NEBL: variants seen among roughly 807,000 people sequenced by gnomAD.
NEBL encodes the protein LIM and SH3 protein 2.
In NEBL, 122 loss-of-function variants were observed where a neutral mutation model predicts 140.2. That is an observed-to-expected ratio of 0.87 (90% CI 0.75 to 1.01). The LOEUF (loss-of-function observed/expected upper bound fraction) is 1.01. Among genes scored for constraint, NEBL ranks in the 50% least tolerant of loss-of-function variants. NEBL has a pLI of 0.00. For missense variants in NEBL, 1,365 were observed against 1,231.3 expected (o/e 1.11, Z -1.62); for synonymous variants, 436 against 398.9 (o/e 1.09, Z -1.11).
chr10:21,056,373 T>C lies in NEBL; in HGVS notation c.165-36172A>G, dbSNP rs191137571. Among the ~76,000 whole-genome samples the C allele has an allele frequency of 1.3e-4, 19 of 151,726 alleles. 1 individual carries two copies. The highest frequency in any genetic ancestry group is 4.4e-4 in the African/African-American group (18 of 41,300). ...AATGAATCAGACAATCAGGAGTTAC[T>C]AAATTTGCGCAAAGTTCCCTGTTAA... On this transcript the variant is annotated intron_variant, in intron 2 of 6. Coordinates refer to the NEBL transcript ENST00000417816.
chr10:20,900,074 C>T (rs866133730), upstream of NEBL, among the ~76,000 whole-genome samples: 11 of 152,174 alleles, frequency 7.2e-5, no homozygotes, highest in African/African-American at 2.4e-4. Flanking sequence ...AATCCCCTAT[C>T]GACTTTTCCA....
chr10:21,203,352 C>A (rs1841773402), intron 3 of NEBL, among the ~76,000 whole-genome samples: 1 of 152,168 alleles, frequency 6.6e-6, no homozygotes, highest in East Asian at 1.9e-4. Flanking sequence ...CCTAGAGGAT[C>A]CACAATTATC....
intron 5 of NEBL, among the ~76,000 whole-genome samples, chr10:20,872,910 G>A (rs1845108919): frequency 6.6e-6 from 1 of 152,172 alleles, no homozygotes; most frequent in Admixed American, 6.5e-5. Flanking sequence ...CCATAAAAGT[G>A]GGCAACCAGC....
intron 2 of NEBL, among the ~76,000 whole-genome samples, chr10:21,091,766 C>G (rs1836921681): frequency 6.6e-6 from 1 of 152,172 alleles, no homozygotes; most frequent in African/African-American, 2.4e-5. Context: ...GCTAATACTA[C>G]AGATGCACGC....
intron 4 of NEBL, among the ~76,000 whole-genome samples, chr10:20,936,615 G>T (rs1834500864): frequency 6.6e-6 from 1 of 152,162 alleles, no homozygotes; most frequent in South Asian, 2.1e-4. Context: ...TCCTTCTCTA[G>T]TGTACAAACA....
chr10:21,022,566 T>G (rs1227439817), intron 2 of NEBL, among the ~76,000 whole-genome samples: 1 of 152,244 alleles, frequency 6.6e-6, no homozygotes, highest in Non-Finnish European at 1.5e-5. Context: ...ACCCCATAAC[T>G]GCTGGACTCA....
intron 3 of NEBL, among the ~76,000 whole-genome samples, chr10:20,991,815 T>C (rs536484551): frequency 6.7e-5 from 10 of 149,110 alleles, no homozygotes; most frequent in Admixed American, 1.3e-4. Context: ...CCCATCTTTG[T>C]GTCCATATGT....
At chr10:21,026,047 C>G (rs1839017003) in intron 2 of NEBL, among the ~76,000 whole-genome samples, 1 of 152,138 alleles carries the variant, frequency 6.6e-6, no homozygotes, top group Non-Finnish European at 1.5e-5. Flanking sequence ...TCCTGGTTCT[C>G]TCATGAAGTT....
At chr10:20,809,965 A>G in intron 24 of NEBL, 67 bp from the exon 25 acceptor site, 1 of 1,188,360 alleles carries the variant, frequency 8.4e-7, no homozygotes, top group Non-Finnish European at 1.2e-6. Context: ...AAAAAAAAAA[A>G]AGCCAGTACC....
intron 3 of NEBL, among the ~76,000 whole-genome samples, chr10:21,227,389 T>A (rs1257289101): frequency 6.6e-6 from 1 of 152,248 alleles, no homozygotes; most frequent in African/African-American, 2.4e-5. Flanking sequence ...TAATGTTAAA[T>A]TCTACTTTAA....
chr10:21,166,236 AAAAAAAAAAGAAAAGAAAAAAAAAT>A (rs1840761730), intron 2 of NEBL, among the ~76,000 whole-genome samples: 1 of 121,910 alleles, frequency 8.2e-6, no homozygotes, highest in African/African-American at 4.5e-5. Context: ...AAAAAAAAAA[AAAAAAAAAAGAAAAGAAAAAAAAAT>A]TTTCTACATC....
intron 2 of NEBL, among the ~76,000 whole-genome samples, chr10:21,024,412 T>C (rs1164828995): frequency 2.6e-5 from 4 of 151,646 alleles, no homozygotes; most frequent in African/African-American, 9.7e-5. Flanking sequence ...TACCTGAAAC[T>C]ACCAGGGATC....
At chr10:20,826,708 G>A (rs1372274144) in intron 17 of NEBL, among the ~76,000 whole-genome samples, 169 bp from the exon 18 acceptor site, 1 of 152,142 alleles carries the variant, frequency 6.6e-6, no homozygotes, top group Non-Finnish European at 1.5e-5. Context: ...GATAATCCAT[G>A]AAAACTTTGG....
In NEBL at chr10:20,947,681, TCACACA is replaced by T. The variant is rs5783757; in HGVS notation, c.357+13985_357+13990del. ...AGCCATTGACATTTTTACTGAGAAATCACACACACACACACACACACACACACACAC... is the reference window on the plus strand; with the variant it reads ...AGCCATTGACATTTTTACTGAGAAATCACACACACACACACACACACACAC... On this transcript the variant is annotated intron_variant, in intron 4 of 6. Coordinates refer to the NEBL transcript ENST00000417816. Among the ~76,000 whole-genome samples, 593 of 144,240 alleles carry T rather than the reference TCACACA, an allele frequency of 4.1e-3. 3 individuals are homozygous for T. The highest frequency in any genetic ancestry group is 0.013 in the African/African-American group (493 of 39,174). 94.6% of individuals were successfully genotyped at this position (144,240 alleles called of 152,430 possible). A position where few individuals can be genotyped will look rare whatever the true frequency, so the allele number is the denominator to read the frequency against.
At chr10:21,206,991 T>A (rs112107605) in intron 3 of NEBL, among the ~76,000 whole-genome samples, 2,306 of 148,216 alleles carry the variant, frequency 0.016, 30 homozygotes, top group African/African-American at 0.054. Context: ...TTTTTTTTTT[T>A]TAGACAGAGT....
chr10:21,154,234 A>G (rs1176129438), intron 2 of NEBL, among the ~76,000 whole-genome samples: 2 of 151,982 alleles, frequency 1.3e-5, no homozygotes, highest in Admixed American at 1.3e-4. Flanking sequence ...CGAAGCAGGA[A>G]GATCACCTGA....
chr10:20,866,448 T>G (rs1844301451), intron 7 of NEBL, among the ~76,000 whole-genome samples: 1 of 152,216 alleles, frequency 6.6e-6, no homozygotes, highest in Non-Finnish European at 1.5e-5. Flanking sequence ...CCTATTATGT[T>G]CTCTAAGCAA....
intron 4 of NEBL, among the ~76,000 whole-genome samples, chr10:20,920,044 A>G (rs536008506): frequency 7.3e-4 from 111 of 152,240 alleles, no homozygotes; most frequent in Admixed American, 1.6e-3. Flanking sequence ...TCCTTAGTGT[A>G]AGAGAGGACG....
intron 2 of NEBL, among the ~76,000 whole-genome samples, chr10:21,124,391 C>T (rs939676347): frequency 1.3e-5 from 2 of 152,302 alleles, no homozygotes; most frequent in South Asian, 2.1e-4. Context: ...AATATCTTCT[C>T]CTCCACTTGC....
Sources: gnomAD v4.1 joint callset for allele counts (sites outside exome capture counted in the v4.1 genomes callset) on GRCh38, gnomAD v4.1.1 for gene constraint, MANE v1.5 for transcripts, NCBI Gene and HGNC (gene_info 2026-07-23, HGNC 2026-07-21) for gene names.